The following GNAS variants were observed in gnomAD, a reference collection of about 807,000 sequenced individuals.
GNAS encodes protein ALEX.
In GNAS, 8 loss-of-function variants were observed where a neutral mutation model predicts 54.5. That is an observed-to-expected ratio of 0.15 (90% CI 0.09 to 0.26). The LOEUF (loss-of-function observed/expected upper bound fraction) is 0.26, where lower values mean the gene tolerates loss of function less well. Ranked by LOEUF, GNAS falls within the 10% of genes least tolerant of loss-of-function variation. GNAS has a pLI of 1.00. For missense variants in GNAS, 170 were observed against 529.8 expected, an observed-to-expected ratio of 0.32 and a Z score of 6.67; for synonymous variants, 204 against 191.4, an observed-to-expected ratio of 1.07 and a Z score of -0.54.
chr20:58,870,079 A>G (rs1281165105), intron 1 of GNAS, among the ~76,000 whole-genome samples: 1 of 152,156 alleles, frequency 6.6e-6, no homozygotes, highest in African/African-American at 2.4e-5. Context: ...AAGTCCTCCA[A>G]TGGGAATTTA....
intron 1 of GNAS, among the ~76,000 whole-genome samples, chr20:58,861,187 T>C (rs2086765760): frequency 6.6e-6 from 1 of 152,202 alleles, no homozygotes; most frequent in African/African-American, 2.4e-5. Context: ...CTTCTTGGTT[T>C]CTTTTAGCTG....
At chr20:58,880,469 C>T (rs2088153783) in intron 1 of GNAS, among the ~76,000 whole-genome samples, 1 of 152,108 alleles carries the variant, frequency 6.6e-6, no homozygotes. Flanking sequence ...GAATTGATGA[C>T]TTAGATTTAT....
chr20:58,891,506 C>T lies in GNAS; in HGVS notation c.-221C>T. On this transcript the variant is annotated 5_prime_UTR_variant, in exon 1 of 13. Coordinates refer to ENST00000371085, the MANE Select transcript of GNAS (RefSeq NM_000516.7). ...CGGCCTCGGCTCGAGGGGCGGGGAG[C>T]TGCGCGCGCCCCTCGGTCCGACCGA... 1.0e-6 allele frequency: 1 copy of T among 973,474 alleles called. No homozygotes were observed. Among genetic ancestry groups the T allele is most frequent in the Non-Finnish European group, 1.2e-6 (1 of 821,896 alleles). 60.3% of individuals were successfully genotyped at this position (973,474 alleles called of 1,614,324 possible). A position where few individuals can be genotyped will look rare whatever the true frequency, so the allele number is the denominator to read the frequency against.
intron 1 of GNAS, among the ~76,000 whole-genome samples, chr20:58,880,753 A>ATT (rs551267986): frequency 2.1e-5 from 3 of 145,104 alleles, no homozygotes; most frequent in East Asian, 4.0e-4. Flanking sequence ...TTATCCATCT[A>ATT]TTTTTTTTTT....
chr20:58,841,410 CTA>C lies in GNAS; in HGVS notation c.43+525_43+526del, dbSNP rs1669097890. 1.0e-6 allele frequency: 1 copy of C among 996,854 alleles called. No homozygotes were observed. Among genetic ancestry groups the C allele is most frequent in the Non-Finnish European group, 1.2e-6 (1 of 836,840 alleles). 61.8% of individuals were successfully genotyped at this position (996,854 alleles called of 1,614,324 possible). ...ATCTGAATGGGAATGGGCGAGAACT[CTA>C]GAGACTGACCACCCGGGAGGGAAGT... On this transcript the variant is annotated intron_variant, in intron 1 of 12. Coordinates refer to the GNAS transcript ENST00000306090. The surrounding 1 kb of genome is among the most constrained non-coding windows in gnomAD (Gnocchi z 5.0).
chr20:58,910,507 GT>G lies in GNAS; in HGVS notation c.1038+110del. 1 of 1,157,538 alleles carries G rather than the reference GT, an allele frequency of 8.6e-7. No individual in the cohort carries two copies. The highest frequency in any genetic ancestry group is 1.3e-6 in the Non-Finnish European group (1 of 771,458). The allele number at this position is 1,157,538 out of a possible 1,614,324, so 71.7% of individuals were successfully genotyped here. A position where few individuals can be genotyped will look rare whatever the true frequency, so the allele number is the denominator to read the frequency against. On this transcript the variant is annotated intron_variant, in intron 12 of 12. Transcript: ENST00000371085. This position sits in a 1 kb window ranked among gnomAD's most constrained non-coding sequence, Gnocchi z 5.8. ...AGGGGTTCAGCTACCCAGTTCCATG[GT>G]TTTAGTTCACGCACATCCAGTGTGG...
intron 1 of GNAS, among the ~76,000 whole-genome samples, chr20:58,869,457 A>G (rs2087291119): frequency 6.6e-6 from 1 of 152,166 alleles, no homozygotes; most frequent in Non-Finnish European, 1.5e-5. Context: ...GTGGGAGCAG[A>G]GTTTGGTGGT....
Position 58,891,620 on chromosome 20 carries a change from G to GCCCGGCCCGCCCGCCCGGCGCTGC in GNAS, c.-98_-75dup. 1.0e-6 allele frequency: 1 copy of GCCCGGCCCGCCCGCCCGGCGCTGC among 965,196 alleles called. No homozygotes were observed. Among genetic ancestry groups the GCCCGGCCCGCCCGCCCGGCGCTGC allele is most frequent in the Non-Finnish European group, 1.2e-6 (1 of 820,312 alleles). The allele number at this position is 965,196 out of a possible 1,614,324, so 59.8% of individuals were successfully genotyped here. ...CTCCTTGCCGAGGAGCCGAGCCCGC[G>GCCCGGCCCGCCCGCCCGGCGCTGC]CCCGGCCCGCCCGCCCGGCGCTGCC... On this transcript the variant is annotated 5_prime_UTR_variant, in exon 1 of 13. Coordinates refer to ENST00000371085, the MANE Select transcript of GNAS (RefSeq NM_000516.7).
intron 1 of GNAS, chr20:58,854,471 TGACTCCGGGGCAACCCCAGAAGATCCC>T (rs757371198): frequency 3.3e-5 from 52 of 1,580,920 alleles, no homozygotes; most frequent in Non-Finnish European, 4.3e-5. Context: ...CAGCCGATCC[TGACTCCGGGGCAACCCCAGAAGATCCC>T]GACTCCGGGA....
chr20:58,887,457 T>G (rs534740642), upstream of GNAS, among the ~76,000 whole-genome samples: 4 of 152,226 alleles, frequency 2.6e-5, no homozygotes, highest in Non-Finnish European at 5.9e-5. Flanking sequence ...TGGATGGTAG[T>G]GAGCCTCACT....
At chr20:58,852,968 A>C in intron 1 of GNAS, 1 of 1,132,730 alleles carries the variant, frequency 8.8e-7, no homozygotes, top group African/African-American at 1.6e-5. Context: ...AAAGAAAGAG[A>C]GAGGAGGGCG....
intron 1 of GNAS, among the ~76,000 whole-genome samples, chr20:58,893,066 C>CTTTTTTTT (rs869179421): frequency 6.8e-5 from 7 of 103,096 alleles, no homozygotes; most frequent in Non-Finnish European, 9.3e-5. Flanking sequence ...GGCGTGGTTT[C>CTTTTTTTT]TTTTTTTTTT....
chr20:58,891,899 G>A, intron 1 of GNAS, 34 bp downstream of exon 1: 3 of 1,046,958 alleles, frequency 2.9e-6, no homozygotes, highest in Middle Eastern at 4.5e-4. Context: ...GCCCCGGCCC[G>A]GGGGCCCTCG....
At chr20:58,898,706 C>T (rs2090319245) in intron 2 of GNAS, 3 of 617,194 alleles carry the variant, frequency 4.9e-6, no homozygotes, top group Non-Finnish European at 8.7e-6. Context: ...CCAGAGAGCT[C>T]TGTTAATACT....
At chr20:58,871,482 C>T (rs1022641516) in intron 1 of GNAS, among the ~76,000 whole-genome samples, 4 of 151,568 alleles carry the variant, frequency 2.6e-5, no homozygotes, top group Admixed American at 1.3e-4. Context: ...GGCATGGTGG[C>T]GCATGCCTGT....
intron 5 of GNAS, among the ~76,000 whole-genome samples, chr20:58,904,394 A>T (rs1444932002): frequency 6.6e-6 from 1 of 152,240 alleles, no homozygotes. Context: ...TAACTCAAAA[A>T]TCATAAAATA....
Position 58,898,673 on chromosome 20 carries a change from C to T in GNAS, c.213-268C>T, listed in dbSNP as rs76801208. ...AAGCACAAGAAAACAATTATCCATC[C>T]CTCCTGTCTCCGACCAGAGTCTCCA... On this transcript the variant is annotated intron_variant, in intron 2 of 12. Coordinates refer to ENST00000371085, the MANE Select transcript of GNAS (RefSeq NM_000516.7). 0.017 allele frequency: 9,619 copies of T among 573,814 alleles called. 132 individuals carry two copies. Among genetic ancestry groups the T allele is most frequent in the Non-Finnish European group, 0.022 (7,123 of 320,468 alleles). 35.5% of individuals were successfully genotyped at this position (573,814 alleles called of 1,614,324 possible).
intron 2 of GNAS, chr20:58,898,684 C>T (rs577085770): frequency 8.6e-5 from 50 of 583,888 alleles, no homozygotes; most frequent in Middle Eastern, 9.1e-4. Context: ...CTCCTGTCTC[C>T]GACCAGAGTC....
upstream of GNAS, chr20:58,840,440 G>A (rs201307445): frequency 1.9e-5 from 31 of 1,613,440 alleles, no homozygotes; most frequent in East Asian, 5.6e-4. This position sits in a 1 kb window ranked among gnomAD's most constrained non-coding sequence, Gnocchi z 6.0. Flanking sequence ...CTACGAGACC[G>A]AGAGCGAGAC....
Sources: allele counts gnomAD v4.1 joint callset (sites outside exome capture counted in the v4.1 genomes callset), GRCh38; gene constraint gnomAD v4.1.1; non-coding constraint Gnocchi (gnomAD v3.1); transcripts MANE v1.5; gene names NCBI Gene and HGNC (gene_info 2026-07-23, HGNC 2026-07-21).